GRID2: variants seen among roughly 807,000 people sequenced by gnomAD.
GRID2 encodes the protein glutamate ionotropic receptor delta type subunit 2, also known as glutamate receptor ionotropic, delta-2.
A neutral mutation model predicts 114.8 loss-of-function variants in GRID2; 33 were observed. The ratio of observed to expected loss-of-function variants is 0.29; its 90% confidence interval spans 0.22 to 0.38. The LOEUF is 0.38. GRID2 is among the 10% of genes least tolerant of loss of function. The probability of loss-of-function intolerance (pLI) is 1.00; values close to 1 mark genes in which losing one functional copy is unlikely to be tolerated. For synonymous variants in GRID2, 505 were observed against 449.9 expected, an observed-to-expected ratio of 1.12 and a Z score of -1.55; for missense variants, 1,184 against 1,257.7, an observed-to-expected ratio of 0.94 and a Z score of 0.89.
At chr4:93,105,017 G>A (rs1426971669) in intron 3 of GRID2, among the ~76,000 whole-genome samples, 2 of 151,816 alleles carry the variant, frequency 1.3e-5, no homozygotes, top group South Asian at 2.1e-4. Context: ...GTGTGAGATG[G>A]TATCTCATTG....
chr4:92,654,846 A>T (rs755984885), intron 2 of GRID2, among the ~76,000 whole-genome samples: 8 of 152,010 alleles, frequency 5.3e-5, no homozygotes, highest in Non-Finnish European at 1.0e-4. Flanking sequence ...CCCATTGAAG[A>T]TGTTGTCTCT....
rs189785010 is a variant in GRID2 at position 93,306,484 on chromosome 4, T to G, written c.1245+67994T>G. 2.0e-3 allele frequency among the ~76,000 whole-genome samples: 308 copies of G among 152,284 alleles called. 1 individual carries two copies. The highest frequency in any genetic ancestry group is 7.1e-3 in the African/African-American group (293 of 41,556). On this transcript the variant is annotated intron_variant, in intron 8 of 15. Transcript: ENST00000282020. ...ATTAGATATTTTCCTAAAGTGCTAT[T>G]AGCAAGAAAAGGTAACCAAAGAATG...
intron 2 of GRID2, among the ~76,000 whole-genome samples, chr4:92,964,495 C>T (rs1032017046): frequency 6.6e-6 from 1 of 151,884 alleles, no homozygotes; most frequent in African/African-American, 2.4e-5. Context: ...CACATGTATA[C>T]CTATGTAACA....
At chr4:92,460,180 A>G (rs1721429914) in intron 1 of GRID2, among the ~76,000 whole-genome samples, 1 of 150,996 alleles carries the variant, frequency 6.6e-6, no homozygotes, top group South Asian at 2.1e-4. Context: ...CCCAAACCAG[A>G]AAAGTCACTC....
At chr4:93,572,943 T>G (rs2149582580) in intron 13 of GRID2, among the ~76,000 whole-genome samples, 1 of 152,240 alleles carries the variant, frequency 6.6e-6, no homozygotes, top group Non-Finnish European at 1.5e-5. Flanking sequence ...AGGCAAAATT[T>G]AACTGCGAAA....
intron 9 of GRID2, among the ~76,000 whole-genome samples, chr4:93,406,425 T>C (rs1405502035): frequency 6.6e-6 from 1 of 152,146 alleles, no homozygotes; most frequent in Non-Finnish European, 1.5e-5. Context: ...GGTTGGCGCA[T>C]ATTATCTCAT....
intron 8 of GRID2, among the ~76,000 whole-genome samples, chr4:93,250,503 T>A (rs1025089283): frequency 2.6e-5 from 4 of 151,120 alleles, no homozygotes; most frequent in Non-Finnish European, 4.4e-5. Flanking sequence ...AAAAAAATAA[T>A]AATTCTGCTA....
At chr4:93,796,502 G>A (rs1453873414) in intron 1 of GRID2, among the ~76,000 whole-genome samples, 1 of 151,968 alleles carries the variant, frequency 6.6e-6, no homozygotes, top group African/African-American at 2.4e-5. Context: ...AGATTACAGG[G>A]CACAGAAGGA....
chr4:93,763,660 A>C (rs1733397904), intron 14 of GRID2, among the ~76,000 whole-genome samples: 1 of 152,174 alleles, frequency 6.6e-6, no homozygotes, highest in African/African-American at 2.4e-5. Flanking sequence ...TATCTGTGTG[A>C]GCAACTTAAA....
At chr4:93,255,771 G>A (rs914453202) in intron 8 of GRID2, among the ~76,000 whole-genome samples, 2 of 151,954 alleles carry the variant, frequency 1.3e-5, no homozygotes, top group African/African-American at 2.4e-5. Flanking sequence ...TGAAGGTGCT[G>A]GTGTCATGCT....
At chr4:93,503,440 G>T (rs1728324528) in intron 12 of GRID2, among the ~76,000 whole-genome samples, 1 of 151,414 alleles carries the variant, frequency 6.6e-6, no homozygotes, top group South Asian at 2.1e-4. Context: ...TCATCATTTA[G>T]CATTAGGTAT....
At chr4:93,630,967 C>T (rs1374411660) in intron 14 of GRID2, among the ~76,000 whole-genome samples, 1 of 152,116 alleles carries the variant, frequency 6.6e-6, no homozygotes, top group African/African-American at 2.4e-5. Flanking sequence ...GCTAGACTCT[C>T]AGCTACTACA....
chr4:93,700,066 T>G (rs1727374554), intron 14 of GRID2, among the ~76,000 whole-genome samples: 1 of 152,088 alleles, frequency 6.6e-6, no homozygotes, highest in Non-Finnish European at 1.5e-5. Context: ...AACAACAGGA[T>G]CAAATATGCT....
intron 8 of GRID2, among the ~76,000 whole-genome samples, chr4:93,257,153 T>A (rs901033389): frequency 1.3e-5 from 2 of 151,814 alleles, no homozygotes; most frequent in Admixed American, 6.6e-5. Flanking sequence ...AAATGACATA[T>A]ATGTAGTGCC....
chr4:92,814,539 C>T (rs1033698274), intron 2 of GRID2, among the ~76,000 whole-genome samples: 1 of 152,074 alleles, frequency 6.6e-6, no homozygotes, highest in Non-Finnish European at 1.5e-5. Flanking sequence ...AAATGTTTTC[C>T]TCTGGGATTC....
intron 13 of GRID2, among the ~76,000 whole-genome samples, chr4:93,517,935 ATGT>A: frequency 2.6e-5 from 1 of 38,892 alleles, no homozygotes; most frequent in Non-Finnish European, 6.8e-5. Context: ...CTATATATGT[ATGT>A]ATATACATAC....
intron 2 of GRID2, among the ~76,000 whole-genome samples, chr4:93,000,775 G>T (rs1273637506): frequency 2.5e-5 from 3 of 119,888 alleles, no homozygotes; most frequent in Non-Finnish European, 3.3e-5. Context: ...TGGACATAAA[G>T]ATGGAAATAA....
At chr4:92,443,725 G>T (rs562396197) in intron 1 of GRID2, among the ~76,000 whole-genome samples, 1 of 152,028 alleles carries the variant, frequency 6.6e-6, no homozygotes, top group Non-Finnish European at 1.5e-5. Context: ...AAGGGGTTGG[G>T]GTACTTGCCC....
At chr4:93,695,395 G>A (rs1203812237) in intron 14 of GRID2, among the ~76,000 whole-genome samples, 1 of 152,176 alleles carries the variant, frequency 6.6e-6, no homozygotes, top group Non-Finnish European at 1.5e-5. Context: ...GTTAAGACGT[G>A]TAGAACCAAA....
Sources: allele counts gnomAD v4.1 joint callset (sites outside exome capture counted in the v4.1 genomes callset), GRCh38; gene constraint gnomAD v4.1.1; transcripts MANE v1.5; gene names NCBI Gene and HGNC (gene_info 2026-07-23, HGNC 2026-07-21).